The following DUOX1 variants were observed in gnomAD, a reference collection of about 807,000 sequenced individuals.
The protein encoded by DUOX1 is dual oxidase 1.
Under a neutral mutation model 181.8 loss-of-function variants are expected in DUOX1, and 134 were observed. The observed-to-expected ratio is 0.74, with a 90% CI of 0.64 to 0.85. The LOEUF (loss-of-function observed/expected upper bound fraction) is 0.85, where lower values mean the gene tolerates loss of function less well. Among genes scored for constraint, DUOX1 ranks in the 40% least tolerant of loss-of-function variants. The probability of loss-of-function intolerance (pLI) is 0.00; values close to 1 mark genes in which losing one functional copy is unlikely to be tolerated. For missense variants in DUOX1, 1,814 were observed against 2,064.4 expected (o/e 0.88, Z 2.35); for synonymous variants, 798 against 832.5 (o/e 0.96, Z 0.71).
intron 1 of DUOX1, chr15:45,131,677 T>G: frequency 1.4e-5 from 6 of 443,306 alleles, no homozygotes; most frequent in Non-Finnish European, 2.1e-5. Context: ...GTACCAGGGA[T>G]TTCTGTTTGT....
chr15:45,141,091 GCCTC>G (rs770893266), intron 13 of DUOX1, 21 bp downstream of exon 13: 2 of 1,613,910 alleles, frequency 1.2e-6, no homozygotes, highest in African/African-American at 1.3e-5. Flanking sequence ...CTGGGCCTCC[GCCTC>G]AGGCTCTACC....
At chr15:45,136,318 C>G in intron 7 of DUOX1, 32 bp from the exon 8 acceptor site, 1 of 1,612,484 alleles carries the variant, frequency 6.2e-7, no homozygotes, top group Non-Finnish European at 8.5e-7. Flanking sequence ...CCATCCAACT[C>G]GTGCCTCCCC....
At chr15:45,162,918 G>A (rs1897143870) in intron 31 of DUOX1, among the ~76,000 whole-genome samples, 1 of 152,218 alleles carries the variant, frequency 6.6e-6, no homozygotes, top group African/African-American at 2.4e-5. Flanking sequence ...GCAGGCCCCT[G>A]CTCGTTTCTC....
At chr15:45,159,002 C>G (rs1209471039) in intron 28 of DUOX1, among the ~76,000 whole-genome samples, 2 of 152,076 alleles carry the variant, frequency 1.3e-5, no homozygotes, top group African/African-American at 4.8e-5. Flanking sequence ...TGGACTTGGG[C>G]CAAGGGTCTG....
chr15:45,131,919 G>A lies in DUOX1; in HGVS notation c.-48G>A. ...CATTCTTTGCCTGTCTTTTTCTAGGGTCTCCATTTTGGGACATTCTAATCC... is the reference window on the plus strand; with the variant it reads ...CATTCTTTGCCTGTCTTTTTCTAGGATCTCCATTTTGGGACATTCTAATCC... On this transcript the variant is annotated splice_region_variant and 5_prime_UTR_variant, in exon 2 of 34. Transcript: ENST00000389037. 1 of 1,590,434 alleles carries A rather than the reference G, an allele frequency of 6.3e-7. No individual in the cohort carries two copies.
chr15:45,148,428 C>T lies in DUOX1; in HGVS notation c.2799C>T (p.Phe933=), dbSNP rs764103830. The T allele has an allele frequency of 4.3e-6, 7 of 1,613,350 alleles. 1 individual carries two copies. The South Asian group carries it at 7.7e-5, about 18-fold the overall frequency. ...GGGACCACAATAGCGAGCTCCGCTTCACGCAGCTCTGTGTCAAAGGTGGGG... is the reference window on the plus strand; with the variant it reads ...GGGACCACAATAGCGAGCTCCGCTTTACGCAGCTCTGTGTCAAAGGTGGGG... ...MLRDHNSELR[F]TQLCVKGVEV... is the part of the protein sequence containing the mutation. The change falls in exon 21 of 34, where the codon TTC becomes TTT. Residue 933 remains phenylalanine, a synonymous_variant. Coordinates refer to ENST00000389037, the MANE Select transcript of DUOX1 (RefSeq NM_175940.3).
chr15:45,148,039 G>A lies in DUOX1; in HGVS notation c.2642+42G>A, dbSNP rs182392989. ...AGCCAGGAGAATGGGCCAGGGCAGG[G>A]ATGCCAGGGCAAATAGATGGGACCT... On this transcript the variant is annotated intron_variant, in intron 20 of 33. Transcript: ENST00000389037. The A allele has an allele frequency of 5.3e-5, 83 of 1,555,150 alleles. No homozygotes were observed. In the East Asian group the frequency reaches 9.9e-4, roughly 18 times the overall value.
At chr15:45,147,364 G>T in intron 18 of DUOX1, 69 bp from the exon 19 acceptor site, 1 of 1,557,852 alleles carries the variant, frequency 6.4e-7, no homozygotes. Flanking sequence ...GCTCCTACAG[G>T]GCTCAGCTGA....
intron 15 of DUOX1, 134 bp from the exon 16 acceptor site, chr15:45,143,056 T>C (rs1896549263): frequency 1.5e-6 from 1 of 669,916 alleles, no homozygotes; most frequent in African/African-American, 1.8e-5. Flanking sequence ...ACCTTCCCAA[T>C]CTGAAACAAT....
intron 20 of DUOX1, 32 bp from the exon 21 acceptor site, chr15:45,148,240 A>G (rs371886645): frequency 6.2e-7 from 1 of 1,613,060 alleles, no homozygotes; most frequent in African/African-American, 1.3e-5. Flanking sequence ...GGCCCCAGTC[A>G]GGGCCGGATG....
chr15:45,147,816 A>T lies in DUOX1; in HGVS notation c.2549-88A>T, dbSNP rs1366590970. 8 of 1,506,162 alleles carry T rather than the reference A, an allele frequency of 5.3e-6. No individual in the cohort carries two copies. The Admixed American group carries it at 1.3e-4, about 25-fold the overall frequency. 93.3% of individuals were successfully genotyped at this position (1,506,162 alleles called of 1,614,324 possible). On this transcript the variant is annotated intron_variant, in intron 19 of 33. Transcript: ENST00000389037. ...CCCTTGCTGTGTCCAGAAGTGGGTC[A>T]TCACACTGGTGTGAGGCCCCTTTTG...
chr15:45,140,976 C>T lies in DUOX1; in HGVS notation c.1471C>T (p.Arg491Trp), dbSNP rs193117843. 9.5e-5 allele frequency: 153 copies of T among 1,614,122 alleles called. No homozygotes were observed. In the Middle Eastern group the frequency reaches 9.9e-4, roughly 10 times the overall value. Residue 491 changes from arginine to tryptophan, a missense_variant, in exon 13 of 34, where the codon CGG (arginine) becomes TGG (tryptophan). By Grantham distance (101) the Arg-to-Trp change is moderately radical. This residue lies in a region of DUOX1 where 1,064 missense variants were observed against 1,152.9 expected (regional missense o/e 0.92). Coordinates refer to ENST00000389037, the MANE Select transcript of DUOX1 (RefSeq NM_175940.3). Reference sequence around the variant, plus strand: ...CCCTGGGGGACTCCTGGAGAGCCACCGGGACCCTGGACCTCTGTTCAGCAC... The same window carrying T: ...CCCTGGGGGACTCCTGGAGAGCCACTGGGACCCTGGACCTCTGTTCAGCAC... Reference protein sequence around the residue: ...LLPGGLLESHRDPGPLFSTIV... With the variant: ...LLPGGLLESHWDPGPLFSTIV...
At chr15:45,155,434 T>G in intron 27 of DUOX1, 2 of 211,378 alleles carry the variant, frequency 9.5e-6, no homozygotes, top group South Asian at 1.6e-4. Flanking sequence ...GGCATGATGG[T>G]GCATGCCTTT....
chr15:45,158,666 C>T (rs1897021058), intron 28 of DUOX1, among the ~76,000 whole-genome samples: 1 of 131,390 alleles, frequency 7.6e-6, no homozygotes, highest in South Asian at 2.5e-4. Context: ...CACACCACTG[C>T]ACTCCAGCCT....
rs2141265955 is a variant in DUOX1 at position 45,141,547 on chromosome 15, A to G, written c.1684+137A>G. 5 of 979,830 alleles carry G rather than the reference A, an allele frequency of 5.1e-6. No individual in the cohort carries two copies. The South Asian group carries it at 7.3e-5, about 14-fold the overall frequency. 60.7% of individuals were successfully genotyped at this position (979,830 alleles called of 1,614,324 possible). Reference sequence around the variant, plus strand: ...AGTGAGCTGTGGTTCTGCCCTTGGGAACTCCAGGTGCCAGGGCCACCACTT... The same window carrying G: ...AGTGAGCTGTGGTTCTGCCCTTGGGGACTCCAGGTGCCAGGGCCACCACTT... On this transcript the variant is annotated intron_variant, in intron 14 of 33. Coordinates refer to ENST00000389037, the MANE Select transcript of DUOX1 (RefSeq NM_175940.3).
In DUOX1 at chr15:45,155,860, C is replaced by T; in HGVS notation, c.3633C>T (p.His1211=). The T allele has an allele frequency of 6.2e-7, 1 of 1,614,146 alleles. No homozygotes were observed. Among genetic ancestry groups the T allele is most frequent in the Non-Finnish European group, 8.5e-7 (1 of 1,180,038 alleles). Residue 1211 remains histidine, a synonymous_variant, in exon 28 of 34, where the codon CAC becomes CAT. Coordinates refer to ENST00000389037, the MANE Select transcript of DUOX1 (RefSeq NM_175940.3). ...CCATCATGTATGTCTTTGCCTCCCACCACTTCCGCCGCCGCAGTTTCCGGG... is the reference window on the plus strand; with the variant it reads ...CCATCATGTATGTCTTTGCCTCCCATCACTTCCGCCGCCGCAGTTTCCGGG... ...ILAIMYVFAS[H]HFRRRSFRGF...
chr15:45,161,283 G>C (rs1407099283), intron 29 of DUOX1, among the ~76,000 whole-genome samples: 1 of 151,908 alleles, frequency 6.6e-6, no homozygotes, highest in African/African-American at 2.4e-5. Context: ...GCTGGGTGTG[G>C]TGGCATGCAC....
At chr15:45,138,456 G>T (rs1391248388) in intron 10 of DUOX1, among the ~76,000 whole-genome samples, 2 of 152,322 alleles carry the variant, frequency 1.3e-5, no homozygotes, top group South Asian at 2.1e-4. Context: ...TATGTGTGAG[G>T]GGGGTGGGGA....
intron 28 of DUOX1, among the ~76,000 whole-genome samples, chr15:45,158,866 A>C (rs1423672450): frequency 1.3e-5 from 2 of 152,182 alleles, no homozygotes; most frequent in Non-Finnish European, 2.9e-5. Flanking sequence ...GCATGAAATG[A>C]TCAAAATGAA....
Sources: gnomAD v4.1 joint callset for allele counts (sites outside exome capture counted in the v4.1 genomes callset) on GRCh38, gnomAD v4.1.1 for gene constraint, gnomAD v4.1.1 regional missense constraint, MANE v1.5 for transcripts, NCBI Gene and HGNC (gene_info 2026-07-23, HGNC 2026-07-21) for gene names.